Variants in CLASP1 observed in about 807,000 individuals in gnomAD.
The protein encoded by CLASP1 is cytoplasmic linker associated protein 1.
Under a neutral mutation model 192.3 loss-of-function variants are expected in CLASP1, and 38 were observed. The observed-to-expected ratio is 0.20, with a 90% CI of 0.15 to 0.26. The LOEUF (loss-of-function observed/expected upper bound fraction) is 0.26. Ranked by LOEUF, CLASP1 falls within the 10% of genes least tolerant of loss-of-function variation. The probability of loss-of-function intolerance (pLI) is 1.00; values close to 1 mark genes in which losing one functional copy is unlikely to be tolerated. For synonymous variants in CLASP1, 691 were observed against 712.8 expected (o/e 0.97, Z 0.49); for missense variants, 1,433 against 1,932.5 (o/e 0.74, Z 4.85).
At chr2:121,567,022 C>A (rs1488728433) in intron 2 of CLASP1, among the ~76,000 whole-genome samples, 2 of 152,180 alleles carry the variant, frequency 1.3e-5, no homozygotes, top group East Asian at 3.9e-4. Context: ...GGGTTCTGAA[C>A]ACAGATAGCC....
intron 19 of CLASP1, among the ~76,000 whole-genome samples, chr2:121,433,942 T>C (rs2081903570): frequency 6.6e-6 from 1 of 151,284 alleles, no homozygotes; most frequent in South Asian, 2.1e-4. Context: ...TTTATTATTA[T>C]TTTTTTTTGC....
In CLASP1 at chr2:121,459,057, T is replaced by C. The variant is rs569395777; in HGVS notation, c.1179-82A>G. 6.7e-6 allele frequency: 7 copies of C among 1,041,716 alleles called. No homozygotes were observed. The South Asian group carries it at 1.6e-4, about 24-fold the overall frequency. The allele number at this position is 1,041,716 out of a possible 1,614,324, so 64.5% of individuals were successfully genotyped here. Reference sequence around the variant, plus strand: ...TATAAACCACTTAACATCTAGAGCCTTCATTTAAAGTTATCTAGAAAGGAC... The same window carrying C: ...TATAAACCACTTAACATCTAGAGCCCTCATTTAAAGTTATCTAGAAAGGAC... On this transcript the variant is annotated intron_variant, in intron 12 of 39. Coordinates refer to ENST00000263710, the Ensembl canonical transcript of CLASP1.
At chr2:121,446,352 C>G (rs1349253721) in intron 19 of CLASP1, among the ~76,000 whole-genome samples, 2 of 152,176 alleles carry the variant, frequency 1.3e-5, no homozygotes, top group African/African-American at 2.4e-5. Context: ...ATTCCACGGC[C>G]TACTCCAGGT....
intron 34 of CLASP1, among the ~76,000 whole-genome samples, chr2:121,373,815 G>A (rs2069309377): frequency 6.6e-6 from 1 of 152,298 alleles, no homozygotes; most frequent in East Asian, 1.9e-4. Context: ...TGGCCTGGCT[G>A]CTTCTAAAAG....
intron 2 of CLASP1, among the ~76,000 whole-genome samples, chr2:121,602,075 T>G (rs576130070): frequency 1.3e-5 from 2 of 151,704 alleles, no homozygotes; most frequent in South Asian, 4.2e-4. Flanking sequence ...CTCAGGAGGT[T>G]GAGGCATGAA....
intron 5 of CLASP1, among the ~76,000 whole-genome samples, chr2:121,526,753 G>A (rs2094584260): frequency 6.6e-6 from 1 of 152,046 alleles, no homozygotes; most frequent in South Asian, 2.1e-4. Context: ...GAAGGTAACA[G>A]AATCATAGCA....
intron 19 of CLASP1, among the ~76,000 whole-genome samples, chr2:121,437,463 T>C (rs2082502417): frequency 1.3e-5 from 2 of 152,330 alleles, no homozygotes; most frequent in Non-Finnish European, 2.9e-5. Context: ...TAAAGCTGAA[T>C]TATTCCAAAG....
intron 24 of CLASP1, among the ~76,000 whole-genome samples, chr2:121,409,343 A>G (rs2077362202): frequency 6.6e-6 from 1 of 152,176 alleles, no homozygotes; most frequent in African/African-American, 2.4e-5. Flanking sequence ...TAATTCTACT[A>G]TCTATTCCTC....
intron 32 of CLASP1, among the ~76,000 whole-genome samples, chr2:121,383,560 G>A (rs916092164): frequency 2.0e-5 from 3 of 152,036 alleles, no homozygotes; most frequent in Admixed American, 6.6e-5. Flanking sequence ...CCATACTCTG[G>A]ATCCTCTCAC....
rs568919450 is a variant in CLASP1 at position 121,463,078 on chromosome 2, C to T, written c.866-473G>A. On this transcript the variant is annotated intron_variant, in intron 9 of 39. Transcript: ENST00000263710. ...ATTAGTTTGAAAACATTTCTATTTC[C>T]TTGAACTCATGATAACTGTCATTTT... is the stretch of plus-strand genomic sequence containing the variant. Among the ~76,000 whole-genome samples, 7 of 152,178 alleles carry T rather than the reference C, an allele frequency of 4.6e-5. No individual in the cohort carries two copies. In the East Asian group the frequency reaches 9.7e-4, roughly 21 times the overall value.
At chr2:121,497,178 T>C (rs1225368083) in intron 8 of CLASP1, among the ~76,000 whole-genome samples, 1 of 152,220 alleles carries the variant, frequency 6.6e-6, no homozygotes, top group Non-Finnish European at 1.5e-5. Context: ...ATGTAGATTT[T>C]ACCTCAATAA....
intron 12 of CLASP1, chr2:121,459,474 C>T (rs981932544): frequency 6.5e-6 from 1 of 153,306 alleles, no homozygotes; most frequent in South Asian, 2.1e-4. Context: ...AAACTTAAAA[C>T]AGCTGCAATG....
intron 1 of CLASP1, among the ~76,000 whole-genome samples, chr2:121,617,375 T>C (rs1363422850): frequency 6.6e-6 from 1 of 152,200 alleles, no homozygotes; most frequent in African/African-American, 2.4e-5. Context: ...TCACTCATCT[T>C]ACAAAGGCCC....
In CLASP1 at chr2:121,530,878, A is replaced by G. The variant is rs768937176; in HGVS notation, c.196-553T>C. 210 of 690,620 alleles carry G rather than the reference A, an allele frequency of 3.0e-4. 1 individual carries two copies. The East Asian group carries it at 4.6e-3, about 15-fold the overall frequency. 42.8% of individuals were successfully genotyped at this position (690,620 alleles called of 1,614,324 possible). ...GCTTGCAGCCCAGGGACTTTCTATTATAACCATCCTTTTCTTGGGGTTGCG... is the reference window on the plus strand; with the variant it reads ...GCTTGCAGCCCAGGGACTTTCTATTGTAACCATCCTTTTCTTGGGGTTGCG... On this transcript the variant is annotated intron_variant, in intron 2 of 39. Coordinates refer to ENST00000263710, the Ensembl canonical transcript of CLASP1.
chr2:121,438,049 G>A (rs987223263), intron 19 of CLASP1, among the ~76,000 whole-genome samples: 1 of 152,188 alleles, frequency 6.6e-6, no homozygotes, highest in Non-Finnish European at 1.5e-5. Context: ...GGTACATTCT[G>A]TTTTTATTCT....
intron 37 of CLASP1, among the ~76,000 whole-genome samples, chr2:121,355,971 G>T (rs12614123): frequency 6.6e-6 from 1 of 152,124 alleles, no homozygotes; most frequent in South Asian, 2.1e-4. Context: ...TAAGAAAAGC[G>T]TAATTTTCAC....
At chr2:121,457,640 G>T in intron 14 of CLASP1, 47 bp downstream of exon 14, 1 of 1,423,992 alleles carries the variant, frequency 7.0e-7, no homozygotes, top group South Asian at 1.2e-5. Context: ...AATTTGTTTT[G>T]GTTTTTAAAC....
At chr2:121,430,488 AT>A (rs1197131682) in intron 19 of CLASP1, among the ~76,000 whole-genome samples, 3 of 152,246 alleles carry the variant, frequency 2.0e-5, no homozygotes, top group Non-Finnish European at 4.4e-5. Flanking sequence ...AGTGATATCC[AT>A]TTGAGGACAT....
At chr2:121,340,999 T>C (rs371207557) in intron 39 of CLASP1, 52 bp from the exon 41 acceptor site, 1 of 1,238,104 alleles carries the variant, frequency 8.1e-7, no homozygotes, top group Non-Finnish European at 1.2e-6. Context: ...AATCAGAAAG[T>C]AGAAAACAGC....
Sources: gnomAD v4.1 joint callset for allele counts (sites outside exome capture counted in the v4.1 genomes callset) on GRCh38, gnomAD v4.1.1 for gene constraint, MANE v1.5 for transcripts, NCBI Gene and HGNC (gene_info 2026-07-23, HGNC 2026-07-21) for gene names.